Variants in HERC2 observed in about 807,000 individuals in gnomAD.
HERC2 encodes the protein HECT and RLD domain containing E3 ubiquitin protein ligase 2.
A neutral mutation model predicts 537.7 loss-of-function variants in HERC2; 102 were observed. That is an observed-to-expected ratio of 0.19 (90% CI 0.16 to 0.22). The LOEUF (loss-of-function observed/expected upper bound fraction) is 0.22, where lower values mean the gene tolerates loss of function less well. HERC2 is among the 10% of genes least tolerant of loss of function. The pLI is 1.00. For synonymous variants in HERC2, 2,224 were observed against 2,466.2 expected (o/e 0.90, Z 2.91); for missense variants, 4,236 against 6,198.2 (o/e 0.68, Z 10.63).
At position 28,153,518 on chromosome 15, in the gene HERC2, GC is replaced by G. The variant is rs575632871; in HGVS notation, c.10747-689del. On this transcript the variant is annotated intron_variant, in intron 69 of 92. Coordinates refer to ENST00000261609, the MANE Select transcript of HERC2 (RefSeq NM_004667.6). ...AAAATACAATTAGCTGGGTATGGTG[GC>G]CCGTGCCTGTAGTCCCACCTACCCA... 3.5e-4 allele frequency among the ~76,000 whole-genome samples: 53 copies of G among 152,080 alleles called. No individual in the cohort carries two copies. The South Asian group carries it at 0.011, about 30-fold the overall frequency.
At chr15:28,306,251 C>A (rs1596452592) in intron 2 of HERC2, among the ~76,000 whole-genome samples, 2 of 152,136 alleles carry the variant, frequency 1.3e-5, no homozygotes, top group South Asian at 2.1e-4. Context: ...CCTTCTATAA[C>A]CAGTTTTTTG....
intron 15 of HERC2, 147 bp downstream of exon 15, chr15:28,262,771 T>G: frequency 2.4e-6 from 2 of 823,278 alleles, no homozygotes; most frequent in Non-Finnish European, 3.9e-6. Context: ...AAGTTTCTAA[T>G]GACAGTCCAT....
intron 34 of HERC2, among the ~76,000 whole-genome samples, 161 bp downstream of exon 34, chr15:28,229,030 TTTTG>T (rs1397378143): frequency 6.6e-6 from 1 of 152,234 alleles, no homozygotes; most frequent in Non-Finnish European, 1.5e-5. Flanking sequence ...AATTTTGAAG[TTTTG>T]TTTAAAATCT....
rs376023743 is a variant in HERC2 at position 28,218,556 on chromosome 15, G to A, written c.5961C>T (p.Ser1987=). ...SAGVHAEIMQ[S]EATKTLCGLL... is the part of the protein sequence containing the mutation. ...GTCCGCATAAAGTCTTGGTGGCTTCGCTCTGCATGATCTCAGCATGAACTC... is the reference window on the plus strand; with the variant it reads ...GTCCGCATAAAGTCTTGGTGGCTTCACTCTGCATGATCTCAGCATGAACTC... The change falls in exon 38 of 93, where the codon AGC becomes AGT. Residue 1987 remains serine (S), a synonymous_variant. Coordinates refer to ENST00000261609, the MANE Select transcript of HERC2 (RefSeq NM_004667.6). 56 of 1,597,796 alleles carry A rather than the reference G, an allele frequency of 3.5e-5. No homozygotes were observed. The Middle Eastern group carries it at 6.8e-4, about 19-fold the overall frequency.
intron 68 of HERC2, among the ~76,000 whole-genome samples, chr15:28,165,030 A>C (rs1382840059): frequency 1.3e-5 from 2 of 152,232 alleles, no homozygotes; most frequent in Non-Finnish European, 2.9e-5. Context: ...CTCAAGGTGG[A>C]AAGGCTGGCA....
chr15:28,198,682 A>G lies in HERC2; in HGVS notation c.7804T>C (p.Leu2602=). 2 of 1,614,104 alleles carry G rather than the reference A, an allele frequency of 1.2e-6. No homozygotes were observed. Among genetic ancestry groups the G allele is most frequent in the Non-Finnish European group, 1.7e-6 (2 of 1,179,984 alleles). The change falls in exon 49 of 93, where the codon TTG becomes CTG. Residue 2602 remains leucine, a synonymous_variant. Transcript: ENST00000261609. ...GKVIKLDRDG[L]HDLNVQCDWQ... is the part of the protein sequence containing the mutation. Reference sequence around the variant, plus strand: ...TCACACTGCACATTGAGATCATGCAATCCATCTCTGTCCAGCTTGATGACT... The same window carrying G: ...TCACACTGCACATTGAGATCATGCAGTCCATCTCTGTCCAGCTTGATGACT...
chr15:28,168,000 T>G (rs1894320986), intron 67 of HERC2, among the ~76,000 whole-genome samples, 173 bp from the exon 68 acceptor site: 1 of 152,198 alleles, frequency 6.6e-6, no homozygotes, highest in Non-Finnish European at 1.5e-5. Flanking sequence ...CCACCCCCAG[T>G]CAGGCCTAGG....
At chr15:28,167,937 G>T (rs1894314378) in intron 67 of HERC2, 110 bp from the exon 68 acceptor site, 3 of 1,198,878 alleles carry the variant, frequency 2.5e-6, no homozygotes, top group Admixed American at 2.8e-5. Flanking sequence ...GGGCTGTTTA[G>T]AATGTTCCAG....
In HERC2 at chr15:28,275,054, C is replaced by A. The variant is rs769691932; in HGVS notation, c.543-49G>T. 3.0e-5 allele frequency: 35 copies of A among 1,167,668 alleles called. No homozygotes were observed. In the South Asian group the frequency reaches 4.2e-4, roughly 14 times the overall value. The allele number at this position is 1,167,668 out of a possible 1,614,324, so 72.3% of individuals were successfully genotyped here. A position where few individuals can be genotyped will look rare whatever the true frequency, so the allele number is the denominator to read the frequency against. ...TACAACCAGTCAGCAGCAGAGGGTG[C>A]AGATACTACATAAAATCAATACTAT... On this transcript the variant is annotated intron_variant, in intron 5 of 92. Transcript: ENST00000261609.
At chr15:28,316,605 GAT>G (rs1345359618) in intron 2 of HERC2, among the ~76,000 whole-genome samples, 13 of 152,144 alleles carry the variant, frequency 8.5e-5, no homozygotes, top group African/African-American at 3.1e-4. Flanking sequence ...CCAGTATTTG[GAT>G]ATTAGAGGTA....
intron 92 of HERC2, among the ~76,000 whole-genome samples, chr15:28,112,349 T>G (rs1425599901): frequency 6.6e-6 from 1 of 152,090 alleles, no homozygotes; most frequent in Non-Finnish European, 1.5e-5. Context: ...ACGGGAGAGC[T>G]CTTCATGAGT....
At chr15:28,170,634 G>C (rs1894600960) in intron 65 of HERC2, among the ~76,000 whole-genome samples, 1 of 152,136 alleles carries the variant, frequency 6.6e-6, no homozygotes, top group Admixed American at 6.5e-5. Flanking sequence ...CCAAAAGTAT[G>C]ATCTATAAAA....
chr15:28,225,601 G>A (rs1807248824), intron 35 of HERC2, among the ~76,000 whole-genome samples: 1 of 151,382 alleles, frequency 6.6e-6, no homozygotes, highest in South Asian at 2.1e-4. Context: ...GGGAGGCTGA[G>A]GCAGGAGAAT....
chr15:28,288,301 G>A (rs2076214849), intron 4 of HERC2, among the ~76,000 whole-genome samples: 1 of 151,742 alleles, frequency 6.6e-6, no homozygotes, highest in Non-Finnish European at 1.5e-5. Flanking sequence ...CGAGGTGGGT[G>A]GATCACCTGA....
chr15:28,249,074 A>G (rs951889114), intron 20 of HERC2, among the ~76,000 whole-genome samples: 1 of 152,252 alleles, frequency 6.6e-6, no homozygotes, highest in Non-Finnish European at 1.5e-5. Context: ...TGTAAACATT[A>G]AGACAACGAA....
Position 28,141,762 on chromosome 15 carries a change from G to C in HERC2, c.11785C>G (p.Gln3929Glu). The change falls in exon 77 of 93, where the codon CAA (glutamine) becomes GAA (glutamate). Residue 3929 changes from glutamine (Q) to glutamate (E), a missense_variant. By Grantham distance (29) the Gln-to-Glu change is conservative. Around this residue, in one of 27 missense-constraint regions of HERC2, gnomAD observed 156 missense variants for 172.3 expected, o/e 0.91. Coordinates refer to ENST00000261609, the MANE Select transcript of HERC2 (RefSeq NM_004667.6). Reference protein sequence around the residue: ...HESHDIFKREQDEQLVQWMNR... With the variant: ...HESHDIFKREEDEQLVQWMNR... ...ATCCACTGCACAAGTTGTTCGTCTT[G>C]CTCTCTTTTAAAAATGTCATGGCTC... The C allele has an allele frequency of 6.2e-7, 1 of 1,614,042 alleles. No individual in the cohort carries two copies. Among genetic ancestry groups the C allele is most frequent in the South Asian group, 1.1e-5 (1 of 91,068 alleles).
In HERC2 at chr15:28,184,826, C is replaced by T. The variant is rs1896151336; in HGVS notation, c.8825+1751G>A. On this transcript the variant is annotated intron_variant, in intron 56 of 92. Coordinates refer to ENST00000261609, the MANE Select transcript of HERC2 (RefSeq NM_004667.6). ...GCAGTGAGCCGAGATTGCACCACTGCACTCCAGCCTAGGTGACGGAGCAAG... is the reference window on the plus strand; with the variant it reads ...GCAGTGAGCCGAGATTGCACCACTGTACTCCAGCCTAGGTGACGGAGCAAG... Among the ~76,000 whole-genome samples, 3 of 151,278 alleles carry T rather than the reference C, an allele frequency of 2.0e-5. No individual in the cohort carries two copies. The South Asian group carries it at 6.3e-4, about 32-fold the overall frequency.
intron 51 of HERC2, 34 bp from the exon 52 acceptor site, chr15:28,196,388 T>G (rs754907335): frequency 7.1e-7 from 1 of 1,418,102 alleles, no homozygotes; most frequent in Non-Finnish European, 9.8e-7. Context: ...TTAAGAAAGG[T>G]CATTTATTAA....
chr15:28,201,432 C>T, intron 48 of HERC2, 24 bp downstream of exon 48: 1 of 1,407,166 alleles, frequency 7.1e-7, no homozygotes, highest in Non-Finnish European at 1.0e-6. Context: ...CGGATCGAGG[C>T]TCCAGCTTAA....
Sources: gnomAD v4.1 joint callset for allele counts (sites outside exome capture counted in the v4.1 genomes callset) on GRCh38, gnomAD v4.1.1 for gene constraint, gnomAD v4.1.1 regional missense constraint, MANE v1.5 for transcripts, NCBI Gene and HGNC (gene_info 2026-07-23, HGNC 2026-07-21) for gene names.